The following ZNF343 variants were observed in gnomAD, a reference collection of about 807,000 sequenced individuals.
The protein encoded by ZNF343 is zinc finger protein 343.
ZNF343 carries 11 observed loss-of-function variants against 13.8 expected under a neutral mutation model. The observed-to-expected ratio is 0.80, with a 90% CI of 0.50 to 1.32. The LOEUF (loss-of-function observed/expected upper bound fraction) is 1.32, where lower values mean the gene tolerates loss of function less well. ZNF343 is among the 40% of genes most tolerant of loss of function. The pLI is 0.00. For synonymous variants in ZNF343, 248 were observed against 260.0 expected (o/e 0.95, Z 0.44); for missense variants, 658 against 714.2 (o/e 0.92, Z 0.90).
chr20:2,498,902 T>C (rs6083472), intron 2 of ZNF343, among the ~76,000 whole-genome samples: 64,324 of 152,062 alleles, frequency 0.42, 13,866 homozygotes, highest in Non-Finnish European at 0.46. Context: ...CGCAGTGGTG[T>C]GATCTCAGCT....
rs2085193434 is a variant in ZNF343, at chr20:2,483,050, C to CA, written c.*110dup. On this transcript the variant is annotated 3_prime_UTR_variant, in exon 6 of 6. Transcript: ENST00000278772. The stretch of plus-strand genomic sequence containing the variant: ...GCTGACACATCTCTGGAACTTCACT[C>CA]ACAATCTGTGTACACAGGGTCTACT... 7.6e-7 allele frequency: 1 copy of CA among 1,317,870 alleles called. No individual in the cohort carries two copies. 81.6% of individuals were successfully genotyped at this position (1,317,870 alleles called of 1,614,324 possible). A position where few individuals can be genotyped will look rare whatever the true frequency, so the allele number is the denominator to read the frequency against.
intron 2 of ZNF343, among the ~76,000 whole-genome samples, chr20:2,496,130 G>A (rs776965694): frequency 4.3e-4 from 65 of 152,150 alleles, no homozygotes; most frequent in Non-Finnish European, 8.4e-4. Flanking sequence ...GATATCAGAC[G>A]GAGATAAGTA....
chr20:2,492,925 G>A (rs1219467661), intron 4 of ZNF343, 100 bp from the exon 5 acceptor site: 2 of 1,517,690 alleles, frequency 1.3e-6, no homozygotes, highest in Non-Finnish European at 1.8e-6. Context: ...TATGCAAGTT[G>A]ATGTAATTCG....
At chr20:2,497,079 TA>T (rs1031518653) in intron 2 of ZNF343, among the ~76,000 whole-genome samples, 13 of 124,936 alleles carry the variant, frequency 1.0e-4, no homozygotes, top group East Asian at 8.7e-4. Flanking sequence ...AAACTCTGTC[TA>T]AAAAAAAAAA....
At chr20:2,500,918 T>C (rs2085552295) in intron 1 of ZNF343, among the ~76,000 whole-genome samples, 176 bp from the exon 2 acceptor site, 1 of 152,158 alleles carries the variant, frequency 6.6e-6, no homozygotes, top group African/African-American at 2.4e-5. Flanking sequence ...CATTTCCAAC[T>C]GAGGTACCGG....
intron 1 of ZNF343, among the ~76,000 whole-genome samples, chr20:2,523,237 G>C (rs1047892571): frequency 6.6e-6 from 1 of 152,156 alleles, no homozygotes; most frequent in African/African-American, 2.4e-5. Flanking sequence ...GGTCTAAAAA[G>C]GGGAGGAACC....
intron 4 of ZNF343, 30 bp from the exon 5 acceptor site, chr20:2,492,855 C>G (rs1283828823): frequency 6.2e-7 from 1 of 1,609,264 alleles, no homozygotes; most frequent in Non-Finnish European, 8.5e-7. Context: ...TAATGTATAG[C>G]AAGCCACCAT....
chr20:2,496,749 C>T (rs911332666), intron 2 of ZNF343, among the ~76,000 whole-genome samples: 2 of 152,154 alleles, frequency 1.3e-5, no homozygotes, highest in East Asian at 3.8e-4. Flanking sequence ...AAATCAAAGA[C>T]AATTCTAGTA....
rs10222026 is a variant in ZNF343 at position 2,503,208 on chromosome 20, G to C, written c.-236-2466C>G. 7.2e-3 allele frequency among the ~76,000 whole-genome samples: 1,093 copies of C among 151,958 alleles called. 11 individuals carry two copies. Among genetic ancestry groups the C allele is most frequent in the African/African-American group, 0.025 (1,054 of 41,514 alleles). Reference sequence around the variant, plus strand: ...CTTTAAACCAACAAAGATCAAAAGAGACAAGACCATTACATAATGGTAAAT... The same window carrying C: ...CTTTAAACCAACAAAGATCAAAAGACACAAGACCATTACATAATGGTAAAT... On this transcript the variant is annotated intron_variant, in intron 1 of 5. Transcript: ENST00000278772.
intron 1 of ZNF343, among the ~76,000 whole-genome samples, chr20:2,521,541 G>A (rs981209415): frequency 1.4e-4 from 21 of 152,334 alleles, no homozygotes; most frequent in African/African-American, 4.6e-4. Context: ...TCAGCTTCCA[G>A]CTCTAGAAGC....
At position 2,518,905 on chromosome 20, in the gene ZNF343, T is replaced by C. The variant is rs767611867; in HGVS notation, c.-347+5550A>G. Among the ~76,000 whole-genome samples, 1 of 152,206 alleles carries C rather than the reference T, an allele frequency of 6.6e-6. No homozygotes were observed. The highest frequency in any genetic ancestry group is 1.5e-5 in the Non-Finnish European group (1 of 68,048). On this transcript the variant is annotated intron_variant, in intron 1 of 6. Coordinates refer to the ZNF343 transcript ENST00000358413. The surrounding 1 kb of genome is among the most constrained non-coding windows in gnomAD (Gnocchi z 4.6). Reference sequence around the variant, plus strand: ...GGTTTCATCCATGCTGTCCTCATGATAGTGAGTTCTCACAAGATCTGATGG... The same window carrying C: ...GGTTTCATCCATGCTGTCCTCATGACAGTGAGTTCTCACAAGATCTGATGG...
chr20:2,517,586 C>T (rs1241046356), intron 1 of ZNF343, among the ~76,000 whole-genome samples: 1 of 151,532 alleles, frequency 6.6e-6, no homozygotes, highest in East Asian at 1.9e-4. Context: ...ACTGCAGCCT[C>T]GACCTCCTGG....
rs930267076 is a variant in ZNF343 at position 2,484,781 on chromosome 20, T to C, written c.305-125A>G. 2.2e-5 allele frequency: 19 copies of C among 852,356 alleles called. No individual in the cohort carries two copies. In the African/African-American group the frequency reaches 2.6e-4, roughly 12 times the overall value. The allele number at this position is 852,356 out of a possible 1,614,324, so 52.8% of individuals were successfully genotyped here. A position where few individuals can be genotyped will look rare whatever the true frequency, so the allele number is the denominator to read the frequency against. Reference sequence around the variant, plus strand: ...ATTGATAATATAAGTATAACACAATTTGCTTCTGAACAATGATTCCTTTAC... The same window carrying C: ...ATTGATAATATAAGTATAACACAATCTGCTTCTGAACAATGATTCCTTTAC... On this transcript the variant is annotated intron_variant, in intron 5 of 5. Transcript: ENST00000278772.
intron 5 of ZNF343, 64 bp downstream of exon 5, chr20:2,492,635 A>G (rs1361749488): frequency 1.3e-6 from 2 of 1,568,558 alleles, no homozygotes; most frequent in East Asian, 4.5e-5. Context: ...TTTTTGTGGT[A>G]CATATTAGGT....
chr20:2,492,452 A>G (rs1477137986), intron 5 of ZNF343, among the ~76,000 whole-genome samples: 12 of 152,136 alleles, frequency 7.9e-5, no homozygotes, highest in Admixed American at 7.9e-4. Flanking sequence ...ATCCTGCCTT[A>G]TTTCATTATT....
chr20:2,501,380 C>G (rs2085563350), intron 1 of ZNF343, among the ~76,000 whole-genome samples: 1 of 152,232 alleles, frequency 6.6e-6, no homozygotes, highest in Admixed American at 6.5e-5. Flanking sequence ...GACTCCACCT[C>G]TGGGGGCAGG....
chr20:2,493,921 C>G lies in ZNF343; in HGVS notation c.-26G>C. The G allele has an allele frequency of 6.7e-7, 1 of 1,496,586 alleles. No homozygotes were observed. The highest frequency in any genetic ancestry group is 9.3e-7 in the Non-Finnish European group (1 of 1,073,154). 92.7% of individuals were successfully genotyped at this position (1,496,586 alleles called of 1,614,324 possible). A position where few individuals can be genotyped will look rare whatever the true frequency, so the allele number is the denominator to read the frequency against. Reference sequence around the variant, plus strand: ...GGCGCCAGAGTCAGCCCAGTGTGTGCCTTGAAATTCTGCCAGAGGTCCAGG... The same window carrying G: ...GGCGCCAGAGTCAGCCCAGTGTGTGGCTTGAAATTCTGCCAGAGGTCCAGG... On this transcript the variant is annotated 5_prime_UTR_variant, in exon 3 of 6. Coordinates refer to ENST00000278772, the MANE Select transcript of ZNF343 (RefSeq NM_024325.6).
intron 1 of ZNF343, among the ~76,000 whole-genome samples, chr20:2,517,430 C>T (rs1187909832): frequency 6.6e-6 from 1 of 151,164 alleles, no homozygotes; most frequent in African/African-American, 2.4e-5. Flanking sequence ...TATACATATA[C>T]CAGGAGAGCC....
intron 2 of ZNF343, among the ~76,000 whole-genome samples, chr20:2,497,011 C>T (rs1341251329): frequency 6.6e-6 from 1 of 151,958 alleles, no homozygotes; most frequent in Non-Finnish European, 1.5e-5. Context: ...ACCCGGGAGA[C>T]AGAGGTTGCG....
Sources: allele counts gnomAD v4.1 joint callset (sites outside exome capture counted in the v4.1 genomes callset), GRCh38; gene constraint gnomAD v4.1.1; non-coding constraint Gnocchi (gnomAD v3.1); transcripts MANE v1.5; gene names NCBI Gene and HGNC (gene_info 2026-07-23, HGNC 2026-07-21).